KIAA0319: variants seen among roughly 807,000 people sequenced by gnomAD.
The protein encoded by KIAA0319 is KIAA0319.
Under a neutral mutation model 108.4 loss-of-function variants are expected in KIAA0319, and 83 were observed. The ratio of observed to expected loss-of-function variants is 0.77; its 90% CI spans 0.64 to 0.92. The LOEUF (loss-of-function observed/expected upper bound fraction) is 0.92. Among genes scored for constraint, KIAA0319 ranks in the 40% least tolerant of loss-of-function variants. The probability of loss-of-function intolerance (pLI) is 0.00; values close to 1 mark genes in which losing one functional copy is unlikely to be tolerated. For synonymous variants in KIAA0319, 484 were observed against 510.4 expected, an observed-to-expected ratio of 0.95 and a Z score of 0.70; for missense variants, 1,195 against 1,322.4, an observed-to-expected ratio of 0.90 and a Z score of 1.49.
intron 1 of KIAA0319, among the ~76,000 whole-genome samples, chr6:24,619,885 C>G (rs1466224315): frequency 6.6e-6 from 1 of 152,192 alleles, no homozygotes; most frequent in Non-Finnish European, 1.5e-5. Context: ...AATTCCCTCG[C>G]TGCTTCAGCC....
At chr6:24,556,185 C>T (rs1163442522) in intron 18 of KIAA0319, among the ~76,000 whole-genome samples, 1 of 147,738 alleles carries the variant, frequency 6.8e-6, no homozygotes, top group East Asian at 2.1e-4. Flanking sequence ...CTCCCCTCCT[C>T]TGCCCTCCTC....
chr6:24,557,472 C>A (rs1359613671), intron 17 of KIAA0319, among the ~76,000 whole-genome samples: 1 of 152,242 alleles, frequency 6.6e-6, no homozygotes, highest in African/African-American at 2.4e-5. Flanking sequence ...CGCTGCACTG[C>A]AGCCGGGGCA....
downstream of KIAA0319, among the ~76,000 whole-genome samples, chr6:24,542,904 C>T (rs1760257616): frequency 6.6e-6 from 1 of 152,206 alleles, no homozygotes; most frequent in South Asian, 2.1e-4. Flanking sequence ...TCATCTGTAT[C>T]AACCAACCCA....
intron 4 of KIAA0319, among the ~76,000 whole-genome samples, chr6:24,584,841 A>G (rs1196158268): frequency 6.6e-6 from 1 of 152,256 alleles, no homozygotes; most frequent in Non-Finnish European, 1.5e-5. Flanking sequence ...TAAAATGATC[A>G]ATTCATTTAA....
chr6:24,588,417 G>A (rs1382845088), intron 4 of KIAA0319, among the ~76,000 whole-genome samples, 176 bp downstream of exon 4: 2 of 152,122 alleles, frequency 1.3e-5, no homozygotes. Flanking sequence ...AGTCCCTGAG[G>A]GAAAAGACAA....
rs1180995583 is a variant in KIAA0319, at chr6:24,588,609, G to C, written c.978C>G (p.Thr326=). The C allele has an allele frequency of 6.2e-7, 1 of 1,613,472 alleles. No individual in the cohort carries two copies. The highest frequency in any genetic ancestry group is 8.5e-7 in the Non-Finnish European group (1 of 1,179,464). Residue 326 remains threonine (T), a synonymous_variant, in exon 4 of 21, where the codon ACC becomes ACG. Coordinates refer to ENST00000378214, the MANE Select transcript of KIAA0319 (RefSeq NM_014809.4). ...AAAAGTTACCTGTCCTGGGAGCAGT[G>C]GTAGGAGATATGGGTAGCTCAGATG... The part of the protein sequence containing the change: ...STPSELPISP[T]TAPRTVKELT...
At chr6:24,630,373 G>C (rs1421278423) in intron 1 of KIAA0319, among the ~76,000 whole-genome samples, 2 of 151,012 alleles carry the variant, frequency 1.3e-5, no homozygotes, top group Non-Finnish European at 3.0e-5. Context: ...GCCAGGTATG[G>C]TGACATGCGC....
intron 19 of KIAA0319, among the ~76,000 whole-genome samples, chr6:24,553,667 G>A (rs1761896202): frequency 6.6e-6 from 1 of 152,150 alleles, no homozygotes; most frequent in East Asian, 1.9e-4. Context: ...AGAAGAATCT[G>A]GACAGGCCTT....
chr6:24,622,230 G>A (rs371171996), intron 1 of KIAA0319, among the ~76,000 whole-genome samples: 4 of 150,232 alleles, frequency 2.7e-5, no homozygotes, highest in African/African-American at 7.4e-5. Context: ...GGACAGCTAC[G>A]TCAGAAAGCA....
chr6:24,593,531 G>A (rs1231232986), intron 3 of KIAA0319, among the ~76,000 whole-genome samples: 1 of 151,386 alleles, frequency 6.6e-6, no homozygotes, highest in Non-Finnish European at 1.5e-5. Context: ...TAGCTGGGAA[G>A]CTGGGACTAC....
At chr6:24,618,173 T>A (rs1773428627) in intron 1 of KIAA0319, among the ~76,000 whole-genome samples, 1 of 152,116 alleles carries the variant, frequency 6.6e-6, no homozygotes, top group Admixed American at 6.5e-5. Flanking sequence ...TAGTTTGGCT[T>A]AATAAACCCC....
At chr6:24,601,441 G>C (rs1040622466) in intron 1 of KIAA0319, among the ~76,000 whole-genome samples, 14 of 152,172 alleles carry the variant, frequency 9.2e-5, no homozygotes, top group African/African-American at 2.4e-4. Context: ...GGAAATAAAC[G>C]AGGACCAGTC....
intron 1 of KIAA0319, among the ~76,000 whole-genome samples, chr6:24,637,399 T>A (rs892038200): frequency 6.6e-6 from 1 of 152,220 alleles, no homozygotes; most frequent in Non-Finnish European, 1.5e-5. Context: ...TGGTAAGTCA[T>A]TAGGCATCCA....
chr6:24,600,541 G>A, intron 2 of KIAA0319: 1 of 780,320 alleles, frequency 1.3e-6, no homozygotes. Context: ...TCTTCATTAT[G>A]GCTGTGTTAC....
At chr6:24,572,546 G>A (rs752823029) in intron 11 of KIAA0319, 29 bp downstream of exon 11, 1 of 1,603,138 alleles carries the variant, frequency 6.2e-7, no homozygotes, top group Non-Finnish European at 8.5e-7. Context: ...TTTAATCTCT[G>A]AGGCCAAATC....
intron 3 of KIAA0319, 33 bp from the exon 4 acceptor site, chr6:24,588,818 T>TA (rs527626492): frequency 0.019 from 24,627 of 1,316,434 alleles, 1 homozygote; most frequent in South Asian, 0.026. Flanking sequence ...AAATTGTTAT[T>TA]AAAAAAAAAA....
Position 24,564,354 on chromosome 6 carries a change from C to CGGATCA in KIAA0319, c.2293-20_2293-15dup, listed in dbSNP as rs1326213228. 1.2e-6 allele frequency: 2 copies of CGGATCA among 1,613,864 alleles called. No individual in the cohort carries two copies. The highest frequency in any genetic ancestry group is 2.7e-5 in the African/African-American group (2 of 74,914). On this transcript the variant is annotated splice_polypyrimidine_tract_variant and intron_variant, in intron 14 of 20. Coordinates refer to ENST00000378214, the MANE Select transcript of KIAA0319 (RefSeq NM_014809.4). ...ATCGATGACATCCTGCGAAAGAACA[C>CGGATCA]GGATCACAGGGCAGCTGTCAATCCT...
chr6:24,616,090 A>G (rs879425074), intron 1 of KIAA0319, among the ~76,000 whole-genome samples: 1 of 152,242 alleles, frequency 6.6e-6, no homozygotes, highest in Non-Finnish European at 1.5e-5. Flanking sequence ...TCCACAGAAG[A>G]CATTGTTTGT....
rs761190759 is a variant in KIAA0319, at chr6:24,564,318, T to C, written c.2315A>G (p.His772Arg). Residue 772 changes from histidine to arginine, a missense_variant, in exon 15 of 21, where the codon CAC becomes CGC. Physicochemically the swap from His to Arg is conservative, Grantham distance 29. Transcript: ENST00000378214. ...AAGDVIDGSD[H>R]SVALQLTNLV... ...ATTCGTAAGCTGCAGAGCCACACTG[T>C]GGTCAGAGCCATCGATGACATCCTG... The C allele has an allele frequency of 3.1e-6, 5 of 1,614,170 alleles. No individual in the cohort carries two copies. The Admixed American group carries it at 8.3e-5, about 27-fold the overall frequency.
Sources: gnomAD v4.1 joint callset for allele counts (sites outside exome capture counted in the v4.1 genomes callset) on GRCh38, gnomAD v4.1.1 for gene constraint, MANE v1.5 for transcripts, NCBI Gene and HGNC (gene_info 2026-07-23, HGNC 2026-07-21) for gene names.